STAU2: variants seen among roughly 807,000 people sequenced by gnomAD.
The protein encoded by STAU2 is staufen double-stranded RNA binding protein 2, also known as double-stranded RNA-binding protein Staufen homolog 2.
STAU2 carries 20 observed loss-of-function variants against 65.9 expected under a neutral mutation model. The observed-to-expected ratio is 0.30, with a 90% CI of 0.21 to 0.44. STAU2 has a LOEUF of 0.44. Ranked by LOEUF, STAU2 falls within the 20% of genes least tolerant of loss-of-function variation. The pLI is 1.00. For missense variants in STAU2, 558 were observed against 683.9 expected (o/e 0.82, Z 2.05); for synonymous variants, 232 against 233.9 (o/e 0.99, Z 0.07).
intron 13 of STAU2, among the ~76,000 whole-genome samples, chr8:73,442,592 G>A (rs1818245296): frequency 6.6e-6 from 1 of 152,136 alleles, no homozygotes; most frequent in South Asian, 2.1e-4. Context: ...AGTTAGGCCT[G>A]CCAAATACTT....
intron 5 of STAU2, 70 bp from the exon 6 acceptor site, chr8:73,673,312 T>A (rs180965842): frequency 7.2e-7 from 1 of 1,390,070 alleles, no homozygotes; most frequent in Non-Finnish European, 9.5e-7. Flanking sequence ...AAGCTATATT[T>A]ATACAACGCT....
chr8:73,669,038 GT>G, intron 6 of STAU2: 1 of 592,522 alleles, frequency 1.7e-6, no homozygotes, highest in Non-Finnish European at 2.9e-6. Context: ...ATTAATCTGG[GT>G]TCTGACAAGG....
chr8:73,551,396 C>T, intron 13 of STAU2: 1 of 987,008 alleles, frequency 1.0e-6, no homozygotes, highest in East Asian at 1.1e-4. Flanking sequence ...TGCTACCCTC[C>T]CTAGTCAGTT....
intron 10 of STAU2, among the ~76,000 whole-genome samples, chr8:73,600,861 C>T (rs563508841): frequency 2.0e-5 from 3 of 152,262 alleles, no homozygotes; most frequent in South Asian, 2.1e-4. Flanking sequence ...TTTTAATAAT[C>T]GCATGGTTGA....
chr8:73,709,135 G>A lies in STAU2; in HGVS notation c.11C>T (p.Pro4Leu). The A allele has an allele frequency of 6.5e-7, 1 of 1,528,706 alleles. No individual in the cohort carries two copies. The highest frequency in any genetic ancestry group is 8.8e-7 in the Non-Finnish European group (1 of 1,142,420). 94.7% of individuals were successfully genotyped at this position (1,528,706 alleles called of 1,614,324 possible). Residue 4 changes from proline (P) to leucine (L), a missense_variant, in exon 4 of 15, where the codon CCA becomes CTA. Coordinates refer to ENST00000524300, the MANE Select transcript of STAU2 (RefSeq NM_001164380.2). ...CAGACACATTGCAGTTTTCTCTTTT[G>A]GGTTTGCCATTTTATCTTGGAGAGA... MAN[P>L]KEKTAMCLVN...
intron 12 of STAU2, among the ~76,000 whole-genome samples, chr8:73,571,425 C>G (rs951402498): frequency 6.6e-6 from 1 of 152,192 alleles, no homozygotes; most frequent in Admixed American, 6.5e-5. Flanking sequence ...ACTCTCCACC[C>G]CAAATCAACA....
At chr8:73,581,198 G>A (rs1809951294) in intron 12 of STAU2, among the ~76,000 whole-genome samples, 1 of 151,990 alleles carries the variant, frequency 6.6e-6, no homozygotes, top group African/African-American at 2.4e-5. Context: ...GTTTAATGAT[G>A]GAGCCTGCAG....
At chr8:73,583,149 CT>C (rs111660605) in intron 11 of STAU2, among the ~76,000 whole-genome samples, 27,605 of 141,292 alleles carry the variant, frequency 0.2, 2,672 homozygotes, top group African/African-American at 0.3. Flanking sequence ...AAAAATAAAT[CT>C]TTTTTTTTTT....
intron 3 of STAU2, among the ~76,000 whole-genome samples, chr8:73,720,766 C>G: frequency 1.2e-5 from 1 of 80,474 alleles, no homozygotes; most frequent in East Asian, 6.6e-4. Context: ...CCCGCCTCGG[C>G]CTCCCAAAGT....
intron 13 of STAU2, among the ~76,000 whole-genome samples, chr8:73,494,504 T>C (rs1165997397): frequency 1.3e-5 from 2 of 151,738 alleles, no homozygotes; most frequent in African/African-American, 2.4e-5. Flanking sequence ...CCTCTATTAA[T>C]AGACACTTGT....
chr8:73,560,655 C>G (rs1383851061), intron 12 of STAU2, among the ~76,000 whole-genome samples: 1 of 152,158 alleles, frequency 6.6e-6, no homozygotes, highest in Non-Finnish European at 1.5e-5. Context: ...TTAGTCCAGT[C>G]TTGCCCCCAA....
At chr8:73,460,140 G>A (rs955694365) in intron 13 of STAU2, among the ~76,000 whole-genome samples, 1 of 152,184 alleles carries the variant, frequency 6.6e-6, no homozygotes, top group African/African-American at 2.4e-5. Context: ...GATTCCCAGG[G>A]TCTTAGCCTG....
chr8:73,467,737 G>C (rs1313436706), intron 13 of STAU2, among the ~76,000 whole-genome samples: 1 of 152,020 alleles, frequency 6.6e-6, no homozygotes, highest in African/African-American at 2.4e-5. Flanking sequence ...AACAGATCTG[G>C]TATTAGAAAA....
intron 3 of STAU2, among the ~76,000 whole-genome samples, chr8:73,710,849 A>G (rs1820841605): frequency 6.6e-6 from 1 of 152,020 alleles, no homozygotes; most frequent in Non-Finnish European, 1.5e-5. Flanking sequence ...AAGAATACTT[A>G]AAATGAATGA....
At chr8:73,482,724 A>G (rs1820696924) in intron 13 of STAU2, among the ~76,000 whole-genome samples, 1 of 152,162 alleles carries the variant, frequency 6.6e-6, no homozygotes, top group African/African-American at 2.4e-5. Context: ...ACTAATTGTG[A>G]CAGATATTTT....
intron 3 of STAU2, among the ~76,000 whole-genome samples, chr8:73,720,442 G>A (rs1290007841): frequency 1.4e-5 from 2 of 139,874 alleles, no homozygotes. Flanking sequence ...CCTAAATACT[G>A]TTTTAGCAAT....
chr8:73,648,385 T>G (rs1431576086), intron 6 of STAU2, among the ~76,000 whole-genome samples: 1 of 152,222 alleles, frequency 6.6e-6, no homozygotes, highest in Non-Finnish European at 1.5e-5. Flanking sequence ...TATAATCCAA[T>G]TCTATAACTT....
chr8:73,442,043 T>C (rs987720378), intron 13 of STAU2, among the ~76,000 whole-genome samples: 1 of 152,064 alleles, frequency 6.6e-6, no homozygotes, highest in Non-Finnish European at 1.5e-5. Flanking sequence ...ATACCAAACT[T>C]GGTTTGGCAA....
At chr8:73,744,300 ATATATC>A (rs1341871495) in intron 1 of STAU2, among the ~76,000 whole-genome samples, 1 of 152,160 alleles carries the variant, frequency 6.6e-6, no homozygotes, top group African/African-American at 2.4e-5. Flanking sequence ...AGAGGCACAA[ATATATC>A]TATATGTGAA....
Sources: allele counts gnomAD v4.1 joint callset (sites outside exome capture counted in the v4.1 genomes callset), GRCh38; gene constraint gnomAD v4.1.1; transcripts MANE v1.5; gene names NCBI Gene and HGNC (gene_info 2026-07-23, HGNC 2026-07-21).